Variants in ZFHX3 observed in about 807,000 individuals in gnomAD.
ZFHX3 encodes zinc finger homeobox 3, also known as zinc finger homeobox protein 3.
ZFHX3 carries 42 observed loss-of-function variants against 279.1 expected under a neutral mutation model. That is an observed-to-expected ratio of 0.15 (90% CI 0.12 to 0.19). ZFHX3 has a LOEUF of 0.19. ZFHX3 is among the 10% of genes least tolerant of loss of function. The pLI is 1.00. For missense variants in ZFHX3, 4,981 were observed against 4,754.0 expected (o/e 1.05, Z -1.40); for synonymous variants, 2,293 against 1,957.8 (o/e 1.17, Z -4.52).
chr16:73,324,440 T>C (rs28477334), intron 3 of ZFHX3, among the ~76,000 whole-genome samples: 2,619 of 152,308 alleles, frequency 0.017, 84 homozygotes, highest in African/African-American at 0.059. Flanking sequence ...CCAGCTCCCT[T>C]GAAGTAAGGT....
At chr16:72,822,081 A>G (rs537378992) in intron 5 of ZFHX3, 1 of 152,328 alleles carries the variant, frequency 6.6e-6, no homozygotes, top group African/African-American at 2.4e-5. Flanking sequence ...CATGGATTTA[A>G]TGTCTACAAA....
intron 5 of ZFHX3, among the ~76,000 whole-genome samples, chr16:73,221,459 A>G (rs1488475735): frequency 6.6e-6 from 1 of 152,168 alleles, no homozygotes. Context: ...TCTCCTATCT[A>G]TACTAATCTG....
chr16:72,944,233 C>T (rs530535190), intron 3 of ZFHX3, among the ~76,000 whole-genome samples: 1 of 152,004 alleles, frequency 6.6e-6, no homozygotes, highest in East Asian at 1.9e-4. Flanking sequence ...TGCAGCCAGC[C>T]GAGATCACGC....
chr16:73,021,522 T>A (rs1964295995), intron 1 of ZFHX3, among the ~76,000 whole-genome samples: 3 of 152,152 alleles, frequency 2.0e-5, no homozygotes, highest in Non-Finnish European at 2.9e-5. Flanking sequence ...TCAGACTAGA[T>A]CGGGGTAGGC....
chr16:73,727,328 T>A (rs2053527325), intron 1 of ZFHX3, among the ~76,000 whole-genome samples: 1 of 152,122 alleles, frequency 6.6e-6, no homozygotes, highest in Non-Finnish European at 1.5e-5. Flanking sequence ...GAAATATTCT[T>A]CCCCTGCATG....
intron 1 of ZFHX3, among the ~76,000 whole-genome samples, chr16:73,000,131 G>C (rs1400761182): frequency 2.0e-5 from 3 of 152,176 alleles, no homozygotes; most frequent in Non-Finnish European, 4.4e-5. Flanking sequence ...GCCCACCCGA[G>C]TAAGTATCCC....
intron 5 of ZFHX3, among the ~76,000 whole-genome samples, chr16:73,202,604 C>T (rs2011647120): frequency 6.6e-6 from 1 of 152,210 alleles, no homozygotes; most frequent in African/African-American, 2.4e-5. Context: ...GGGAACCAGA[C>T]AGGAATTCCA....
chr16:73,066,428 CT>C (rs1001684234), intron 8 of ZFHX3, among the ~76,000 whole-genome samples: 2 of 152,066 alleles, frequency 1.3e-5, no homozygotes, highest in African/African-American at 4.8e-5. Flanking sequence ...TTTCGGGACC[CT>C]TTTTTTTCCT....
intron 8 of ZFHX3, among the ~76,000 whole-genome samples, chr16:73,085,551 C>T (rs774272338): frequency 9.9e-5 from 15 of 152,206 alleles, no homozygotes; most frequent in South Asian, 2.1e-4. Flanking sequence ...TGGGCTACAA[C>T]TCATTTTCAA....
At chr16:73,131,148 C>T (rs1966672257) in intron 6 of ZFHX3, 4 of 451,138 alleles carry the variant, frequency 8.9e-6, no homozygotes, top group Admixed American at 5.4e-5. Context: ...CATGAGAATT[C>T]AATGAAAGAA....
At chr16:72,989,433 G>C (rs1190463836) in intron 1 of ZFHX3, among the ~76,000 whole-genome samples, 1 of 151,092 alleles carries the variant, frequency 6.6e-6, no homozygotes, top group Admixed American at 6.6e-5. Context: ...AGTGGGCCAA[G>C]ATTGTGTCAC....
intron 5 of ZFHX3, among the ~76,000 whole-genome samples, chr16:72,812,595 G>C (rs117452115): frequency 0.012 from 1,843 of 152,306 alleles, 18 homozygotes; most frequent in Non-Finnish European, 0.019. Context: ...AAAAAATCAA[G>C]TTTGGGTTCA....
At chr16:73,483,261 G>C (rs1820117566) in intron 2 of ZFHX3, 15 of 401,564 alleles carry the variant, frequency 3.7e-5, no homozygotes, top group South Asian at 2.5e-4. Context: ...GGGCTGCCAG[G>C]ACAAATGCGT....
chr16:73,079,391 G>A (rs1390162334), intron 8 of ZFHX3, among the ~76,000 whole-genome samples: 4 of 152,086 alleles, frequency 2.6e-5, no homozygotes, highest in Non-Finnish European at 5.9e-5. Context: ...TAGGAATGGT[G>A]GCACATGCCT....
rs1446694475 is a variant in ZFHX3 at position 72,788,865 on chromosome 16, CAG to C, written c.9428-19_9428-18del. On this transcript the variant is annotated intron_variant, in intron 9 of 9. Coordinates refer to ENST00000268489, the MANE Select transcript of ZFHX3 (RefSeq NM_006885.4). ...ACGTTAAAGCTGAAAGGAATGGAGA[CAG>C]AAATCACCGGTCAGTCTGGGCAGGG... 5 of 1,515,044 alleles carry C rather than the reference CAG, an allele frequency of 3.3e-6. No homozygotes were observed. The Admixed American group carries it at 6.8e-5, about 21-fold the overall frequency. The allele number at this position is 1,515,044 out of a possible 1,614,324, so 93.9% of individuals were successfully genotyped here. A position where few individuals can be genotyped will look rare whatever the true frequency, so the allele number is the denominator to read the frequency against.
At chr16:73,434,703 G>A (rs1363267450) in intron 3 of ZFHX3, among the ~76,000 whole-genome samples, 1 of 152,116 alleles carries the variant, frequency 6.6e-6, no homozygotes, top group South Asian at 2.1e-4. Context: ...TCAAGATGTG[G>A]AACAGTGGGC....
chr16:73,037,613 T>C (rs1247312626), intron 1 of ZFHX3, among the ~76,000 whole-genome samples: 1 of 152,292 alleles, frequency 6.6e-6, no homozygotes, highest in African/African-American at 2.4e-5. Flanking sequence ...CTTGTGGCAC[T>C]GTACAAGATG....
At chr16:73,245,139 C>T (rs1035462244) in intron 5 of ZFHX3, among the ~76,000 whole-genome samples, 10 of 152,158 alleles carry the variant, frequency 6.6e-5, no homozygotes, top group Non-Finnish European at 1.5e-4. Context: ...TACATTTCCC[C>T]CAAAACTCAT....
intron 1 of ZFHX3, among the ~76,000 whole-genome samples, chr16:73,700,422 T>C (rs1381130076): frequency 1.3e-5 from 2 of 152,198 alleles, no homozygotes; most frequent in Non-Finnish European, 2.9e-5. Flanking sequence ...ATTATAAATT[T>C]AGATAATTCC....
Sources: allele counts gnomAD v4.1 joint callset (sites outside exome capture counted in the v4.1 genomes callset), GRCh38; gene constraint gnomAD v4.1.1; transcripts MANE v1.5; gene names NCBI Gene and HGNC (gene_info 2026-07-23, HGNC 2026-07-21).